Variants in CHMP3 observed in about 807,000 individuals in gnomAD.
CHMP3 encodes 25.1 protein.
Under a neutral mutation model 27.4 loss-of-function variants are expected in CHMP3, and 8 were observed. The observed-to-expected ratio is 0.29, with a 90% CI of 0.17 to 0.53. The LOEUF (loss-of-function observed/expected upper bound fraction) is 0.53. CHMP3 is among the 20% of genes least tolerant of loss of function. CHMP3 has a pLI of 0.96. For synonymous variants in CHMP3, 86 were observed against 85.5 expected, an observed-to-expected ratio of 1.01 and a Z score of -0.03; for missense variants, 208 against 271.5, an observed-to-expected ratio of 0.77 and a Z score of 1.64.
chr2:86,547,650 C>A (rs1676663466), intron 1 of CHMP3, among the ~76,000 whole-genome samples: 1 of 151,996 alleles, frequency 6.6e-6, no homozygotes, highest in South Asian at 2.1e-4. Context: ...GAAACACAGT[C>A]TAAGACAAAG....
Position 86,542,303 on chromosome 2 carries a change from A to G in CHMP3, c.55T>C (p.Trp19Arg). The G allele has an allele frequency of 6.2e-7, 1 of 1,613,428 alleles. No individual in the cohort carries two copies. Among genetic ancestry groups the G allele is most frequent in the Non-Finnish European group, 8.5e-7 (1 of 1,179,574 alleles). Residue 19 changes from tryptophan (W) to arginine (R), a missense_variant, in exon 2 of 6, where the codon TGG (tryptophan) becomes CGG (arginine). By Grantham distance (101) the Trp-to-Arg change is moderately radical (BLOSUM62 -3). Around this residue, in one of 3 missense-constraint regions of CHMP3, gnomAD observed 52 missense variants for 43.5 expected, o/e 1.19. Transcript: ENST00000263856. Reference sequence around the variant, plus strand: ...ATTTCCTTTCTTATCTTCAATGACCACTCATTGACCTGGGAAAATTTTTAG... The same window carrying G: ...ATTTCCTTTCTTATCTTCAATGACCGCTCATTGACCTGGGAAAATTTTTAG... ...EKPPKELVNE[W>R]SLKIRKEMRV...
At chr2:86,553,694 T>C (rs1208867822) in intron 1 of CHMP3, among the ~76,000 whole-genome samples, 2 of 152,200 alleles carry the variant, frequency 1.3e-5, no homozygotes. Context: ...TCCTAAGTTT[T>C]AAAAAGTTAT....
chr2:86,510,645 T>C, intron 3 of CHMP3, 166 bp from the exon 4 acceptor site: 3 of 970,974 alleles, frequency 3.1e-6, no homozygotes, highest in Non-Finnish European at 4.4e-6. Context: ...AGATTGACTT[T>C]CCTAAATTGT....
chr2:86,513,304 C>CA (rs1675175001), intron 3 of CHMP3, among the ~76,000 whole-genome samples: 2 of 152,024 alleles, frequency 1.3e-5, no homozygotes, highest in Non-Finnish European at 2.9e-5. Flanking sequence ...CTAGAAAAGG[C>CA]AAAACTATGG....
intron 3 of CHMP3, among the ~76,000 whole-genome samples, chr2:86,524,755 T>G (rs1675635972): frequency 6.6e-6 from 1 of 152,196 alleles, no homozygotes; most frequent in African/African-American, 2.4e-5. Flanking sequence ...ATAAATTCAG[T>G]AAAATCAGCC....
chr2:86,533,394 T>C (rs1676002050), intron 2 of CHMP3, among the ~76,000 whole-genome samples: 1 of 152,204 alleles, frequency 6.6e-6, no homozygotes, highest in Non-Finnish European at 1.5e-5. Flanking sequence ...CTCTCTATTC[T>C]TTTTCTGTTC....
intron 1 of CHMP3, chr2:86,562,939 A>C (rs972062481): frequency 5.0e-6 from 1 of 198,070 alleles, no homozygotes; most frequent in Admixed American, 6.0e-5. Flanking sequence ...GGTGGTCCGC[A>C]GCCGGGCTGG....
intron 3 of CHMP3, among the ~76,000 whole-genome samples, 162 bp downstream of exon 3, chr2:86,529,056 A>T (rs142722296): frequency 1.2e-3 from 179 of 152,372 alleles, no homozygotes; most frequent in African/African-American, 4.2e-3. Flanking sequence ...TAACAAAAGA[A>T]AACAAACAAC....
intron 2 of CHMP3, among the ~76,000 whole-genome samples, chr2:86,536,994 A>G (rs1676171518): frequency 6.6e-6 from 1 of 151,776 alleles, no homozygotes; most frequent in Non-Finnish European, 1.5e-5. Context: ...CTGGGTAGGT[A>G]GGACTACAGG....
Position 86,533,839 on chromosome 2 carries a change from G to A in CHMP3, c.107-4442C>T, listed in dbSNP as rs551133137. Among the ~76,000 whole-genome samples the A allele has an allele frequency of 5.9e-5, 9 of 152,212 alleles. No homozygotes were observed. In the South Asian group the frequency reaches 1.9e-3, roughly 32 times the overall value. On this transcript the variant is annotated intron_variant, in intron 2 of 5. Coordinates refer to ENST00000263856, the MANE Select transcript of CHMP3 (RefSeq NM_016079.4). ...CATTTATAGCTATTAATTTTCCTCTGAGTGTTGCTTTTGCTGCACCTTCTA... is the reference window on the plus strand; with the variant it reads ...CATTTATAGCTATTAATTTTCCTCTAAGTGTTGCTTTTGCTGCACCTTCTA...
At chr2:86,517,865 C>CA (rs1273881243) in intron 3 of CHMP3, among the ~76,000 whole-genome samples, 1 of 151,952 alleles carries the variant, frequency 6.6e-6, no homozygotes, top group East Asian at 1.9e-4. Context: ...CCCATCTCTA[C>CA]AAAAAACTAG....
At chr2:86,508,077 G>A (rs1573233750) in intron 4 of CHMP3, among the ~76,000 whole-genome samples, 3 of 152,334 alleles carry the variant, frequency 2.0e-5, no homozygotes, top group South Asian at 2.1e-4. Context: ...GAGGACTCCA[G>A]CTTGTCCAGG....
intron 2 of CHMP3, among the ~76,000 whole-genome samples, chr2:86,529,718 A>G (rs1675839378): frequency 6.6e-6 from 1 of 152,230 alleles, no homozygotes; most frequent in East Asian, 1.9e-4. Context: ...TCCCACAATT[A>G]TAAGAGTACA....
intron 1 of CHMP3, among the ~76,000 whole-genome samples, chr2:86,544,769 ATC>A (rs1331800919): frequency 1.3e-5 from 2 of 152,130 alleles, no homozygotes; most frequent in African/African-American, 4.8e-5. Context: ...GTAACATCTG[ATC>A]TCTCTTTTCC....
At chr2:86,507,324 T>C in intron 5 of CHMP3, 155 bp downstream of exon 5, 1 of 632,322 alleles carries the variant, frequency 1.6e-6, no homozygotes, top group Non-Finnish European at 2.8e-6. Flanking sequence ...GTTATAGATA[T>C]TGTGCTTACT....
At chr2:86,537,041 T>C (rs942863317) in intron 2 of CHMP3, among the ~76,000 whole-genome samples, 1 of 152,164 alleles carries the variant, frequency 6.6e-6, no homozygotes, top group Non-Finnish European at 1.5e-5. Context: ...TTGTTTTTAT[T>C]TTTTGTAGAG....
At chr2:86,522,310 T>C (rs1414601466) in intron 3 of CHMP3, among the ~76,000 whole-genome samples, 3 of 152,180 alleles carry the variant, frequency 2.0e-5, no homozygotes, top group Non-Finnish European at 4.4e-5. Context: ...TTTTCTCTTT[T>C]TCCACTCCCA....
chr2:86,507,021 A>T (rs912658637), intron 5 of CHMP3: 126 of 149,202 alleles, frequency 8.4e-4, no homozygotes, highest in African/African-American at 2.9e-3. Context: ...ATTAGGTCAA[A>T]TTTTTTTTTT....
intron 1 of CHMP3, among the ~76,000 whole-genome samples, chr2:86,543,345 C>T (rs556929044): frequency 6.6e-6 from 1 of 152,250 alleles, no homozygotes; most frequent in Non-Finnish European, 1.5e-5. Context: ...TTGTCAGAAT[C>T]AAAATGAAGT....
Sources: gnomAD v4.1 joint callset for allele counts (sites outside exome capture counted in the v4.1 genomes callset) on GRCh38, gnomAD v4.1.1 for gene constraint, gnomAD v4.1.1 regional missense constraint, MANE v1.5 for transcripts, NCBI Gene and HGNC (gene_info 2026-07-23, HGNC 2026-07-21) for gene names.